Variants in NHSL1 observed in about 807,000 individuals in gnomAD.
NHSL1 encodes the protein NHS like 1.
In NHSL1, 48 loss-of-function variants were observed where a neutral mutation model predicts 95.0. The observed-to-expected ratio is 0.51, with a 90% CI of 0.40 to 0.64. The LOEUF is 0.64. NHSL1 is among the 30% of genes least tolerant of loss of function. NHSL1 has a pLI of 0.00. For missense variants in NHSL1, 1,971 were observed against 2,077.7 expected, an observed-to-expected ratio of 0.95 and a Z score of 1.00; for synonymous variants, 783 against 833.9, an observed-to-expected ratio of 0.94 and a Z score of 1.05.
intron 3 of NHSL1, among the ~76,000 whole-genome samples, chr6:138,472,051 G>A (rs143233179): frequency 1.3e-3 from 194 of 151,966 alleles, no homozygotes; most frequent in African/African-American, 4.3e-3. Flanking sequence ...GCGTGGTGGC[G>A]TGTGCCTGTA....
intron 3 of NHSL1, among the ~76,000 whole-genome samples, chr6:138,450,482 G>A (rs73776967): frequency 0.03 from 4,633 of 152,296 alleles, 204 homozygotes; most frequent in African/African-American, 0.098. Flanking sequence ...TCCACATGAC[G>A]TCTGCTGTGG....
chr6:138,546,308 G>A (rs1782790976), upstream of NHSL1, among the ~76,000 whole-genome samples: 1 of 151,614 alleles, frequency 6.6e-6, no homozygotes, highest in Admixed American at 6.6e-5. Flanking sequence ...ATTTAAAAAC[G>A]GGGCGGACAT....
At chr6:138,669,273 TAAG>T (rs536631109) in intron 1 of NHSL1, among the ~76,000 whole-genome samples, 36 of 152,154 alleles carry the variant, frequency 2.4e-4, no homozygotes, top group African/African-American at 8.2e-4. Context: ...GAGATTGTTT[TAAG>T]AAGATGGAGA....
At chr6:138,439,823 C>T (rs574093461) in intron 5 of NHSL1, among the ~76,000 whole-genome samples, 4 of 151,828 alleles carry the variant, frequency 2.6e-5, no homozygotes, top group Admixed American at 6.5e-5. Context: ...GCATTAGTGA[C>T]GTTCCATGTC....
intron 3 of NHSL1, 62 bp downstream of exon 3, chr6:138,473,244 C>T (rs1224187723): frequency 2.2e-6 from 3 of 1,366,924 alleles, no homozygotes; most frequent in Admixed American, 3.2e-5. Flanking sequence ...AGTTTGTCCA[C>T]ATATATCCTT....
At chr6:138,507,900 G>A (rs932590758) in intron 1 of NHSL1, among the ~76,000 whole-genome samples, 5 of 152,166 alleles carry the variant, frequency 3.3e-5, no homozygotes, top group Admixed American at 3.3e-4. Context: ...AACCTTAGGA[G>A]ATGATAATGT....
At chr6:138,589,142 G>A (rs532070464) in intron 1 of NHSL1, among the ~76,000 whole-genome samples, 17 of 152,224 alleles carry the variant, frequency 1.1e-4, no homozygotes, top group Middle Eastern at 3.4e-3. Context: ...AACATCTGAG[G>A]GTGGCTCATA....
intron 1 of NHSL1, among the ~76,000 whole-genome samples, chr6:138,527,150 C>T (rs918475769): frequency 2.0e-5 from 3 of 152,096 alleles, no homozygotes; most frequent in African/African-American, 7.2e-5. Flanking sequence ...CCTCTTTATC[C>T]TATTGACATA....
chr6:138,649,497 T>G (rs762059013), intron 1 of NHSL1, among the ~76,000 whole-genome samples: 4 of 151,438 alleles, frequency 2.6e-5, no homozygotes, highest in Non-Finnish European at 1.5e-5. Context: ...TTGCAGGAGA[T>G]GGGGTCAAAT....
chr6:138,464,715 C>CTTTTTTTTTTTTTTTTTTT (rs1157342436), intron 3 of NHSL1, among the ~76,000 whole-genome samples: 2 of 119,024 alleles, frequency 1.7e-5, no homozygotes, highest in African/African-American at 3.5e-5. Flanking sequence ...TTTTTCTTTT[C>CTTTTTTTTTTTTTTTTTTT]TTTTTTTTTT....
intron 4 of NHSL1, among the ~76,000 whole-genome samples, chr6:138,446,281 C>G (rs1776860283): frequency 6.6e-6 from 1 of 152,136 alleles, no homozygotes; most frequent in Non-Finnish European, 1.5e-5. Context: ...AGGTGATCTG[C>G]CCGCCTCAGC....
At chr6:138,491,181 C>T (rs1234495346) in intron 2 of NHSL1, among the ~76,000 whole-genome samples, 1 of 152,218 alleles carries the variant, frequency 6.6e-6, no homozygotes, top group African/African-American at 2.4e-5. Flanking sequence ...CAGGAAAGAG[C>T]TGTGACTAGA....
intron 1 of NHSL1, among the ~76,000 whole-genome samples, chr6:138,562,098 C>T (rs1287865596): frequency 6.6e-6 from 1 of 152,094 alleles, no homozygotes. Context: ...CTTCAGGCAT[C>T]CCCAGCCTCA....
At chr6:138,548,014 C>G (rs760233973), upstream of NHSL1, among the ~76,000 whole-genome samples, 2 of 152,100 alleles carry the variant, frequency 1.3e-5, no homozygotes, top group Non-Finnish European at 2.9e-5. Flanking sequence ...CTAATGAGAC[C>G]GAGTCTCACT....
intron 1 of NHSL1, among the ~76,000 whole-genome samples, chr6:138,552,417 C>A (rs949974561): frequency 1.3e-5 from 2 of 152,024 alleles, no homozygotes; most frequent in Non-Finnish European, 2.9e-5. Context: ...GAGGCTCCAT[C>A]CCCCAGGAGA....
intron 1 of NHSL1, among the ~76,000 whole-genome samples, chr6:138,663,928 G>A (rs945731306): frequency 1.3e-5 from 2 of 152,172 alleles, no homozygotes; most frequent in Non-Finnish European, 2.9e-5. Flanking sequence ...GTTAACCACA[G>A]ATAATGAGGT....
chr6:138,627,110 C>T (rs76662302), intron 1 of NHSL1, among the ~76,000 whole-genome samples: 2,355 of 152,202 alleles, frequency 0.015, 34 homozygotes, highest in South Asian at 0.033. Flanking sequence ...GAGAAATTGT[C>T]TTCTCTATGC....
Position 138,499,294 on chromosome 6 carries a change from C to T in NHSL1, c.-4G>A, listed in dbSNP as rs1780545129. On this transcript the variant is annotated 5_prime_UTR_variant, in exon 1 of 8. Transcript: ENST00000343505. Reference sequence around the variant, plus strand: ...TTGCATTAATGAAGACCACCATTTCCAGGGCACCTACATAGAGCTTAGAAA... The same window carrying T: ...TTGCATTAATGAAGACCACCATTTCTAGGGCACCTACATAGAGCTTAGAAA... 5 of 1,550,592 alleles carry T rather than the reference C, an allele frequency of 3.2e-6. No homozygotes were observed. In the East Asian group the frequency reaches 9.8e-5, roughly 30 times the overall value.
chr6:138,650,003 C>G (rs1785068316), intron 1 of NHSL1, among the ~76,000 whole-genome samples: 1 of 152,168 alleles, frequency 6.6e-6, no homozygotes, highest in Non-Finnish European at 1.5e-5. Flanking sequence ...CCCAACCTTT[C>G]CCAGGTCTGG....
Sources: gnomAD v4.1 joint callset for allele counts (sites outside exome capture counted in the v4.1 genomes callset) on GRCh38, gnomAD v4.1.1 for gene constraint, MANE v1.5 for transcripts, NCBI Gene and HGNC (gene_info 2026-07-23, HGNC 2026-07-21) for gene names.